DLK2: variants seen among roughly 807,000 people sequenced by gnomAD.
DLK2 encodes protein delta homolog 2.
In DLK2, 9 loss-of-function variants were observed where a neutral mutation model predicts 31.3. That is an observed-to-expected ratio of 0.29 (90% CI 0.17 to 0.50). The LOEUF (loss-of-function observed/expected upper bound fraction) is 0.50. Among genes scored for constraint, DLK2 ranks in the 20% least tolerant of loss-of-function variants. The pLI, the probability that DLK2 is intolerant of heterozygous loss-of-function variation, is 0.98. For missense variants in DLK2, 387 were observed against 526.1 expected (o/e 0.74, Z 2.59); for synonymous variants, 169 against 201.2 (o/e 0.84, Z 1.35).
chr6:43,451,264 G>A lies in DLK2; in HGVS notation c.427C>T (p.Arg143Cys), dbSNP rs1231184388. Residue 143 changes from arginine to cysteine, a missense_variant, in exon 6 of 6, where the codon CGC becomes TGC. Arg to Cys is a radical substitution (Grantham distance 180, BLOSUM62 -3). Transcript: ENST00000372488. This position sits in a 1 kb window ranked among gnomAD's most constrained non-coding sequence, Gnocchi z 4.4. The stretch of plus-strand genomic sequence containing the variant: ...TCGTCCTGGCACTGCCCGCCATTGC[G>A]GCATGGGGAGCTGTGGTAGGGGTGA... ...GPCEQAGSPC[R>C]NGGQCQDDQG... The A allele has an allele frequency of 2.5e-6, 4 of 1,613,820 alleles. No individual in the cohort carries two copies. The highest frequency in any genetic ancestry group is 3.4e-6 in the Non-Finnish European group (4 of 1,179,872).
rs1338014795 is a variant in DLK2 at position 43,454,462 on chromosome 6, C to A, written c.89G>T (p.Ser30Ile). The change falls in exon 3 of 6, where the codon AGC becomes ATC. Residue 30 changes from serine to isoleucine, a missense_variant. Coordinates refer to ENST00000372488, the MANE Select transcript of DLK2 (RefSeq NM_023932.4). ...GCCGTGGGCCAGGTCACAGTGGGAGCTGCAGTCATCGGCTGCAAGAGATTG... is the reference window on the plus strand; with the variant it reads ...GCCGTGGGCCAGGTCACAGTGGGAGATGCAGTCATCGGCTGCAAGAGATTG... ...PGQPVRADDC[S>I]SHCDLAHGCC... The A allele has an allele frequency of 1.9e-6, 3 of 1,596,046 alleles. No homozygotes were observed. The African/African-American group carries it at 4.0e-5, about 21-fold the overall frequency.
At position 43,453,787 on chromosome 6, in the gene DLK2, TCAAAAA is replaced by T. The variant is rs1783869147; in HGVS notation, c.140+618_140+623del. Among the ~76,000 whole-genome samples the T allele has an allele frequency of 6.6e-6, 1 of 151,946 alleles. No individual in the cohort carries two copies. The highest frequency in any genetic ancestry group is 1.5e-5 in the Non-Finnish European group (1 of 67,994). ...CTTGGCAACAAAGCGAGACTCTGTCTCAAAAACAAAAAATAAAAATAAAAACAAAAA... is the reference window on the plus strand; with the variant it reads ...CTTGGCAACAAAGCGAGACTCTGTCTCAAAAAATAAAAATAAAAACAAAAA... On this transcript the variant is annotated intron_variant, in intron 3 of 5. Transcript: ENST00000372488. The surrounding 1 kb of genome is among the most constrained non-coding windows in gnomAD (Gnocchi z 4.1).
Position 43,453,865 on chromosome 6 carries a change from G to A in DLK2, c.140+546C>T, listed in dbSNP as rs1783872616. Among the ~76,000 whole-genome samples the A allele has an allele frequency of 7.6e-6, 1 of 131,572 alleles. No homozygotes were observed. The allele number at this position is 131,572 out of a possible 152,430, so 86.3% of individuals were successfully genotyped here. The stretch of plus-strand genomic sequence containing the variant: ...CACCATGATTCCAGGGCAAACACTT[G>A]ACCCATATTTTAAAAGCCCTCCAGG... On this transcript the variant is annotated intron_variant, in intron 3 of 5. Coordinates refer to ENST00000372488, the MANE Select transcript of DLK2 (RefSeq NM_023932.4). The surrounding 1 kb of genome is among the most constrained non-coding windows in gnomAD (Gnocchi z 4.1).
intron 2 of DLK2, 110 bp from the exon 3 acceptor site, chr6:43,454,584 G>T: frequency 7.4e-7 from 1 of 1,342,708 alleles, no homozygotes; most frequent in Non-Finnish European, 1.0e-6. Flanking sequence ...CTCAACCCTA[G>T]GGCAGGACAT....
rs747776877 is a variant in DLK2 at position 43,451,643 on chromosome 6, T to A, written c.416+297A>T. ...GTGCAAGCCAGCGTTCAGGAGAGGA[T>A]GAGGAGAGACCCAGGCCCTTCAGTC... On this transcript the variant is annotated intron_variant, in intron 5 of 5. Coordinates refer to ENST00000372488, the MANE Select transcript of DLK2 (RefSeq NM_023932.4). The surrounding 1 kb of genome is among the most constrained non-coding windows in gnomAD (Gnocchi z 4.4). Among the ~76,000 whole-genome samples the A allele has an allele frequency of 2.6e-5, 4 of 152,064 alleles. No individual in the cohort carries two copies. The highest frequency in any genetic ancestry group is 5.9e-5 in the Non-Finnish European group (4 of 68,014).
In DLK2 at chr6:43,450,354, G is replaced by T; in HGVS notation, c.*185C>A. ...GTTTTTCTGGCATAGGAGCCCACTT[G>T]CATTTTCATAGTTTTATTTGATAAA... On this transcript the variant is annotated 3_prime_UTR_variant, in exon 6 of 6. Transcript: ENST00000372488. This position sits in a 1 kb window ranked among gnomAD's most constrained non-coding sequence, Gnocchi z 4.5. The T allele has an allele frequency of 3.2e-6, 3 of 951,796 alleles. No individual in the cohort carries two copies. In the South Asian group the frequency reaches 6.5e-5, roughly 21 times the overall value. The allele number at this position is 951,796 out of a possible 1,614,324, so 59.0% of individuals were successfully genotyped here. A position where few individuals can be genotyped will look rare whatever the true frequency, so the allele number is the denominator to read the frequency against.
At chr6:43,454,678 G>C in intron 2 of DLK2, 72 bp downstream of exon 2, 1 of 1,514,762 alleles carries the variant, frequency 6.6e-7, no homozygotes, top group East Asian at 2.5e-5. Flanking sequence ...GCCGCCTCCG[G>C]CCGGCAGAGG....
Position 43,451,058 on chromosome 6 carries a change from G to A in DLK2, c.633C>T (p.Ile211=), listed in dbSNP as rs773799897. ...PEGFAGRFCT[I]NLDDCASRPC... is the part of the protein sequence containing the mutation. ...GGCGGCTGGCACAGTCATCCAGGTTGATGGTGCAGAAGCGTCCAGCAAAGC... is the reference window on the plus strand; with the variant it reads ...GGCGGCTGGCACAGTCATCCAGGTTAATGGTGCAGAAGCGTCCAGCAAAGC... Residue 211 remains isoleucine, a synonymous_variant, in exon 6 of 6, where the codon ATC becomes ATT. Transcript: ENST00000372488. The surrounding 1 kb of genome is among the most constrained non-coding windows in gnomAD (Gnocchi z 4.4). The A allele has an allele frequency of 3.7e-6, 6 of 1,614,236 alleles. No homozygotes were observed. Among genetic ancestry groups the A allele is most frequent in the Non-Finnish European group, 5.1e-6 (6 of 1,180,030 alleles).
intron 3 of DLK2, 114 bp downstream of exon 3, chr6:43,454,297 T>C: frequency 2.0e-6 from 2 of 978,622 alleles, no homozygotes; most frequent in Non-Finnish European, 3.0e-6. Flanking sequence ...CAGTCAGCCA[T>C]AGGAGTGATG....
chr6:43,453,056 G>A lies in DLK2; in HGVS notation c.220C>T (p.Pro74Ser). 6.2e-7 allele frequency: 1 copy of A among 1,614,144 alleles called. No homozygotes were observed. The highest frequency in any genetic ancestry group is 8.5e-7 in the Non-Finnish European group (1 of 1,180,008). The change falls in exon 4 of 6, where the codon CCA becomes TCA. Residue 74 changes from proline to serine, a missense_variant. Physicochemically the swap from Pro to Ser is moderately conservative, Grantham distance 74 (BLOSUM62 -1). Coordinates refer to ENST00000372488, the MANE Select transcript of DLK2 (RefSeq NM_023932.4). The surrounding 1 kb of genome is among the most constrained non-coding windows in gnomAD (Gnocchi z 4.1). ...CCACTGTGGCAGATGCACTGCCATG[G>A]CTGGTGGCAGGTACCGTGCTGGCAG... Reference protein sequence around the residue: ...PGCQHGTCHQPWQCICHSGWA... With the variant: ...PGCQHGTCHQSWQCICHSGWA...
upstream of DLK2, chr6:43,455,639 T>TCCCCCCCCC (rs1318987135): frequency 1.7e-4 from 8 of 47,942 alleles, no homozygotes; most frequent in African/African-American, 3.1e-4. Flanking sequence ...CCCACCCCCA[T>TCCCCCCCCC]CCCCCCCCCC....
chr6:43,452,117 C>A, intron 4 of DLK2, 33 bp from the exon 5 acceptor site: 1 of 1,612,842 alleles, frequency 6.2e-7, no homozygotes, highest in Non-Finnish European at 8.5e-7. Flanking sequence ...TCTGGGATAA[C>A]CCCTCCCATC....
At position 43,450,919 on chromosome 6, in the gene DLK2, T is replaced by C. The variant is rs748112349; in HGVS notation, c.772A>G (p.Thr258Ala). 6.2e-7 allele frequency: 1 copy of C among 1,614,022 alleles called. No individual in the cohort carries two copies. Among genetic ancestry groups the C allele is most frequent in the Non-Finnish European group, 8.5e-7 (1 of 1,179,966 alleles). ...ELVLPVPDPP[T>A]TVDTPLGPTS... Reference sequence around the variant, plus strand: ...GGCCCTAGAGGGGTGTCCACTGTGGTTGGGGGGTCTGGGACAGGTAAGACA... The same window carrying C: ...GGCCCTAGAGGGGTGTCCACTGTGGCTGGGGGGTCTGGGACAGGTAAGACA... The change falls in exon 6 of 6, where the codon ACC becomes GCC. Residue 258 changes from threonine to alanine, a missense_variant. Thr to Ala is a moderately conservative substitution (Grantham distance 58). Coordinates refer to ENST00000372488, the MANE Select transcript of DLK2 (RefSeq NM_023932.4). The surrounding 1 kb of genome is among the most constrained non-coding windows in gnomAD (Gnocchi z 4.5).
At chr6:43,454,626 A>C (rs1783900174) in intron 2 of DLK2, 124 bp downstream of exon 2, 1 of 1,385,498 alleles carries the variant, frequency 7.2e-7, no homozygotes, top group Admixed American at 2.1e-5. Context: ...CCAAAAAGGC[A>C]ACCTCGGTCT....
chr6:43,455,016 G>T (rs1783922129), intron 1 of DLK2, 136 bp from the exon 2 acceptor site: 2 of 1,382,214 alleles, frequency 1.4e-6, no homozygotes, highest in Non-Finnish European at 1.9e-6. Flanking sequence ...GAGGATGGGG[G>T]CAGGGAAGGG....
rs1470239588 is a variant in DLK2, at chr6:43,453,990, C to T, written c.140+421G>A. Among the ~76,000 whole-genome samples, 1 of 152,184 alleles carries T rather than the reference C, an allele frequency of 6.6e-6. No individual in the cohort carries two copies. The highest frequency in any genetic ancestry group is 2.4e-5 in the African/African-American group (1 of 41,440). ...TCCTGCTACAGAATTTGCCCAATCT[C>T]CCAGTGAGTCAACTACTCAAACTCA... On this transcript the variant is annotated intron_variant, in intron 3 of 5. Coordinates refer to ENST00000372488, the MANE Select transcript of DLK2 (RefSeq NM_023932.4). This position sits in a 1 kb window ranked among gnomAD's most constrained non-coding sequence, Gnocchi z 4.1.
upstream of DLK2, chr6:43,455,676 C>G (rs1426706292): frequency 5.0e-5 from 7 of 139,582 alleles, no homozygotes; most frequent in Non-Finnish European, 3.2e-5. Context: ...ACCTAGCACC[C>G]GGCGCGCCCC....
chr6:43,452,151 A>G (rs1562213525), intron 4 of DLK2, 67 bp from the exon 5 acceptor site: 2 of 1,597,702 alleles, frequency 1.3e-6, no homozygotes, highest in African/African-American at 2.7e-5. Flanking sequence ...AGACTTGTCC[A>G]CGCCTTCCAG....
At chr6:43,452,896 A>C (rs1220242548) in intron 4 of DLK2, 109 bp downstream of exon 4, 8 of 1,450,120 alleles carry the variant, frequency 5.5e-6, no homozygotes, top group African/African-American at 1.4e-5. Flanking sequence ...ATAAAATACC[A>C]TGTATTTGAG....
Sources: allele counts gnomAD v4.1 joint callset (sites outside exome capture counted in the v4.1 genomes callset), GRCh38; gene constraint gnomAD v4.1.1; non-coding constraint Gnocchi (gnomAD v3.1); transcripts MANE v1.5; gene names NCBI Gene and HGNC (gene_info 2026-07-23, HGNC 2026-07-21).